CSMD1: variants seen among roughly 807,000 people sequenced by gnomAD.
CSMD1 encodes the protein CUB and Sushi multiple domains 1.
In CSMD1, 213 loss-of-function variants were observed where a neutral mutation model predicts 417.5. That is an observed-to-expected ratio of 0.51 (90% CI 0.46 to 0.57). The LOEUF (loss-of-function observed/expected upper bound fraction) is 0.57, where lower values mean the gene tolerates loss of function less well. CSMD1 is among the 20% of genes least tolerant of loss of function. The pLI, the probability that CSMD1 is intolerant of heterozygous loss-of-function variation, is 0.00. For missense variants in CSMD1, 6,923 were observed against 4,529.7 expected (o/e 1.53, Z -15.17); for synonymous variants, 2,862 against 1,736.8 (o/e 1.65, Z -16.11).
At chr8:3,856,542 G>A (rs987400864) in intron 5 of CSMD1, among the ~76,000 whole-genome samples, 4 of 152,146 alleles carry the variant, frequency 2.6e-5, no homozygotes, top group South Asian at 2.1e-4. Flanking sequence ...TGCAACGACT[G>A]TCCACATCAT....
intron 7 of CSMD1, among the ~76,000 whole-genome samples, chr8:3,645,941 C>G (rs1188073066): frequency 2.0e-5 from 3 of 151,512 alleles, no homozygotes; most frequent in Non-Finnish European, 2.9e-5. Context: ...ATTCTATTAT[C>G]AACAGTATCA....
Position 2,949,247 on chromosome 8 carries a change from T to G in CSMD1, c.10402+52A>C, listed in dbSNP as rs774308054. ...TTTCCATTTCTTCTTAGAAACATCA[T>G]TGGAAAGCCAAACTGATATTTGCTT... On this transcript the variant is annotated intron_variant, in intron 68 of 69. Transcript: ENST00000635120. 3 of 989,644 alleles carry G rather than the reference T, an allele frequency of 3.0e-6. No homozygotes were observed. In the African/African-American group the frequency reaches 4.9e-5, roughly 16 times the overall value. The allele number at this position is 989,644 out of a possible 1,614,324, so 61.3% of individuals were successfully genotyped here.
chr8:4,920,428 G>A (rs182101091), intron 1 of CSMD1, among the ~76,000 whole-genome samples: 94 of 152,294 alleles, frequency 6.2e-4, no homozygotes, highest in Middle Eastern at 6.8e-3. Flanking sequence ...TTGAAAATCC[G>A]TTTAATGACA....
intron 3 of CSMD1, among the ~76,000 whole-genome samples, chr8:4,117,397 T>G (rs1317235318): frequency 6.6e-6 from 1 of 151,238 alleles, no homozygotes; most frequent in African/African-American, 2.4e-5. Context: ...GCTCCCAAGC[T>G]GAACCTCTGC....
At chr8:4,190,335 G>A (rs542284773) in intron 3 of CSMD1, among the ~76,000 whole-genome samples, 17 of 151,804 alleles carry the variant, frequency 1.1e-4, no homozygotes, top group Non-Finnish European at 2.2e-4. Flanking sequence ...CTGAAGTTAG[G>A]GGCCAGTTAA....
At position 3,031,346 on chromosome 8, in the gene CSMD1, G is replaced by A. The variant is rs1810329564; in HGVS notation, c.7661-1833C>T. 4.6e-5 allele frequency among the ~76,000 whole-genome samples: 7 copies of A among 151,524 alleles called. No individual in the cohort carries two copies. In the South Asian group the frequency reaches 1.5e-3, roughly 32 times the overall value. On this transcript the variant is annotated intron_variant, in intron 50 of 69. Transcript: ENST00000635120. ...GGGGGAGGGTGGAGGGCTAGCACTA[G>A]GAGATATACCTAATGCTAAATGATG...
chr8:3,436,000 G>A (rs963662167), intron 12 of CSMD1, among the ~76,000 whole-genome samples: 2 of 152,084 alleles, frequency 1.3e-5, no homozygotes, highest in African/African-American at 4.8e-5. Context: ...GCTCTCTTCT[G>A]GGACACATCC....
At chr8:4,141,394 A>C (rs1415494184) in intron 3 of CSMD1, among the ~76,000 whole-genome samples, 1 of 151,260 alleles carries the variant, frequency 6.6e-6, no homozygotes, top group Non-Finnish European at 1.5e-5. Flanking sequence ...AAGCTAAAGA[A>C]AGATTTGGCT....
At chr8:3,204,414 T>A (rs570642410) in intron 31 of CSMD1, among the ~76,000 whole-genome samples, 1 of 149,390 alleles carries the variant, frequency 6.7e-6, no homozygotes, top group South Asian at 2.2e-4. Context: ...AAAAAAAAAT[T>A]ATTTCATTCA....
At chr8:4,986,939 G>C (rs1041860118) in intron 1 of CSMD1, among the ~76,000 whole-genome samples, 2 of 152,018 alleles carry the variant, frequency 1.3e-5, no homozygotes, top group African/African-American at 4.8e-5. Context: ...CAGATTGATA[G>C]ACTCTACCTA....
intron 25 of CSMD1, among the ~76,000 whole-genome samples, chr8:3,287,746 C>A (rs7007159): frequency 0.76 from 115,572 of 152,024 alleles, 44,154 homozygotes; most frequent in Middle Eastern, 0.83. Context: ...CGTCATCTGC[C>A]AACAGGGACA....
chr8:4,312,194 A>G (rs1029607258), intron 3 of CSMD1, among the ~76,000 whole-genome samples: 1 of 151,850 alleles, frequency 6.6e-6, no homozygotes, highest in Non-Finnish European at 1.5e-5. Flanking sequence ...ATGAACATAC[A>G]CACTATCTAT....
chr8:4,570,448 T>C (rs1023629090), intron 2 of CSMD1, among the ~76,000 whole-genome samples: 4 of 152,210 alleles, frequency 2.6e-5, no homozygotes, highest in Admixed American at 1.3e-4. Context: ...TATTGATTTG[T>C]GTATTTTGAG....
chr8:3,158,259 G>A (rs1819657322), intron 38 of CSMD1, among the ~76,000 whole-genome samples: 1 of 150,526 alleles, frequency 6.6e-6, no homozygotes, highest in African/African-American at 2.5e-5. Flanking sequence ...TAAGAGTACT[G>A]AATTGGGCAA....
At chr8:3,884,781 C>T (rs948879394) in intron 5 of CSMD1, among the ~76,000 whole-genome samples, 4 of 151,974 alleles carry the variant, frequency 2.6e-5, no homozygotes, top group Non-Finnish European at 5.9e-5. Flanking sequence ...ATAGTATTCA[C>T]CTCTATTGTG....
chr8:4,985,129 C>G (rs948286846), intron 1 of CSMD1, among the ~76,000 whole-genome samples: 8 of 152,156 alleles, frequency 5.3e-5, no homozygotes, highest in Admixed American at 1.3e-4. Context: ...TCAAATACCA[C>G]TGTTCTCACT....
Position 4,214,652 on chromosome 8 carries a change from A to ATG in CSMD1, c.416-182555_416-182554dup, listed in dbSNP as rs911299949. 6.0e-4 allele frequency among the ~76,000 whole-genome samples: 91 copies of ATG among 152,028 alleles called. 2 individuals carry two copies. Among genetic ancestry groups the ATG allele is most frequent in the Non-Finnish European group, 1.6e-4 (11 of 68,004 alleles). On this transcript the variant is annotated intron_variant, in intron 3 of 69. Coordinates refer to ENST00000635120, the MANE Select transcript of CSMD1 (RefSeq NM_033225.6). ...TGAGTATGTATTTGCATGCACGTGT[A>ATG]TGTGTGTGTGTATGAGTATGAGTGT...
At chr8:4,316,257 C>G (rs1017311527) in intron 3 of CSMD1, among the ~76,000 whole-genome samples, 2 of 152,036 alleles carry the variant, frequency 1.3e-5, no homozygotes, top group African/African-American at 4.8e-5. Context: ...GATTTTTCAT[C>G]CTCGAATCTG....
chr8:4,342,261 G>C (rs1050761477), intron 3 of CSMD1, among the ~76,000 whole-genome samples: 8 of 150,320 alleles, frequency 5.3e-5, no homozygotes, highest in African/African-American at 1.5e-4. Context: ...CTCTGTATGT[G>C]TGTGTGTAGA....
Sources: gnomAD v4.1 joint callset for allele counts (sites outside exome capture counted in the v4.1 genomes callset) on GRCh38, gnomAD v4.1.1 for gene constraint, MANE v1.5 for transcripts, NCBI Gene and HGNC (gene_info 2026-07-23, HGNC 2026-07-21) for gene names.